The following GRM1 variants were observed in gnomAD, a reference collection of about 807,000 sequenced individuals.
The protein encoded by GRM1 is metabotropic glutamate receptor 1.
In GRM1, 33 loss-of-function variants were observed where a neutral mutation model predicts 90.9. The observed-to-expected ratio is 0.36, with a 90% CI of 0.28 to 0.49. The LOEUF (loss-of-function observed/expected upper bound fraction) is 0.49. GRM1 is among the 20% of genes least tolerant of loss of function. The pLI is 0.99. For missense variants in GRM1, 1,190 were observed against 1,534.3 expected, an observed-to-expected ratio of 0.78 and a Z score of 3.75; for synonymous variants, 700 against 613.2, an observed-to-expected ratio of 1.14 and a Z score of -2.09.
intron 1 of GRM1, among the ~76,000 whole-genome samples, chr6:146,136,594 G>C (rs527386473): frequency 6.6e-6 from 1 of 152,006 alleles, no homozygotes; most frequent in Non-Finnish European, 1.5e-5. Flanking sequence ...TGTCTATTCC[G>C]ATCTTTTGCT....
chr6:146,254,177 A>G (rs950458091), intron 2 of GRM1, among the ~76,000 whole-genome samples: 7 of 152,174 alleles, frequency 4.6e-5, no homozygotes. Flanking sequence ...AGAATCACAG[A>G]AACAGTCTCA....
intron 2 of GRM1, among the ~76,000 whole-genome samples, chr6:146,217,345 C>G (rs559805944): frequency 6.6e-6 from 1 of 152,126 alleles, no homozygotes; most frequent in African/African-American, 2.4e-5. Context: ...AGAGCAATAC[C>G]TTGAGTTGGT....
At chr6:146,418,288 C>A (rs9403785) in intron 7 of GRM1, among the ~76,000 whole-genome samples, 92,275 of 151,490 alleles carry the variant, frequency 0.61, 30,342 homozygotes, top group African/African-American at 0.88. Flanking sequence ...TATCTTAGTT[C>A]CTGGGGTAAA....
At chr6:146,175,122 A>G (rs933010421) in intron 2 of GRM1, among the ~76,000 whole-genome samples, 1 of 152,198 alleles carries the variant, frequency 6.6e-6, no homozygotes, top group Non-Finnish European at 1.5e-5. Context: ...ATTCAAGGGG[A>G]GGGGAATGCA....
chr6:146,309,268 G>A (rs1382753986), intron 3 of GRM1, among the ~76,000 whole-genome samples: 18 of 151,948 alleles, frequency 1.2e-4, no homozygotes, highest in East Asian at 7.8e-4. Context: ...GCTTGGTGGC[G>A]GGTGCCTATA....
intron 2 of GRM1, among the ~76,000 whole-genome samples, chr6:146,277,503 A>G (rs1782417574): frequency 6.6e-6 from 1 of 152,210 alleles, no homozygotes; most frequent in Non-Finnish European, 1.5e-5. Flanking sequence ...CTGACTCCCA[A>G]TTAAAAACCC....
At chr6:146,212,450 G>C (rs1248487832) in intron 2 of GRM1, among the ~76,000 whole-genome samples, 1 of 152,124 alleles carries the variant, frequency 6.6e-6, no homozygotes, top group Non-Finnish European at 1.5e-5. Context: ...GGTGACGCGG[G>C]TTGGGTTTTC....
chr6:146,394,419 A>T (rs1776852557), intron 6 of GRM1, among the ~76,000 whole-genome samples: 1 of 152,168 alleles, frequency 6.6e-6, no homozygotes, highest in African/African-American at 2.4e-5. Flanking sequence ...AAAGGAGAGT[A>T]TGATATATAC....
At position 146,121,343 on chromosome 6, in the gene GRM1, T is replaced by C. The variant is rs1292268357; in HGVS notation, c.701-38005T>C. 4.6e-5 allele frequency among the ~76,000 whole-genome samples: 7 copies of C among 152,340 alleles called. No individual in the cohort carries two copies. In the East Asian group the frequency reaches 9.6e-4, roughly 21 times the overall value. On this transcript the variant is annotated intron_variant, in intron 1 of 7. Transcript: ENST00000282753. The stretch of plus-strand genomic sequence containing the variant: ...TCTTCTCTCTTTTTTTCTTTATTAA[T>C]CTTGCTAGCAGTCTATCAATTTTGT...
At chr6:146,296,609 A>G (rs1210304339) in intron 2 of GRM1, among the ~76,000 whole-genome samples, 4 of 152,134 alleles carry the variant, frequency 2.6e-5, no homozygotes, top group Non-Finnish European at 4.4e-5. Flanking sequence ...TCAGAATTCC[A>G]TTGATTTTAA....
intron 7 of GRM1, among the ~76,000 whole-genome samples, chr6:146,418,011 A>G (rs1777848700): frequency 6.6e-6 from 1 of 152,124 alleles, no homozygotes; most frequent in Non-Finnish European, 1.5e-5. Context: ...AGATGCCTAT[A>G]TGTGAGAACA....
intron 2 of GRM1, among the ~76,000 whole-genome samples, chr6:146,241,495 T>C (rs148481716): frequency 1.3e-5 from 2 of 152,150 alleles, no homozygotes; most frequent in African/African-American, 4.8e-5. Context: ...ATACATGTAT[T>C]TATTTTTGTA....
rs1396711891 is a variant in GRM1 at position 146,434,714 on chromosome 6, AGTC to A, written c.3505_3507del (p.Ser1169del). ...TCGGTGCCCAGCTCCCCCGTGTCCG[AGTC>A]GGTGCTCTGCACCCCTCCCAACGTA... On this transcript the variant is annotated inframe_deletion, in exon 8 of 8. Transcript: ENST00000282753. 2 of 1,602,324 alleles carry A rather than the reference AGTC, an allele frequency of 1.2e-6. No homozygotes were observed. Among genetic ancestry groups the A allele is most frequent in the Non-Finnish European group, 1.7e-6 (2 of 1,179,932 alleles).
At chr6:146,129,447 A>G (rs937025295) in intron 1 of GRM1, among the ~76,000 whole-genome samples, 1 of 152,174 alleles carries the variant, frequency 6.6e-6, no homozygotes, top group South Asian at 2.1e-4. Context: ...ACACAATACC[A>G]CATTCTTGTC....
rs571623499 is a variant in GRM1, at chr6:146,214,052, T to C, written c.950+54455T>C. ...AAGAGAGAGTCCAATTCACCCTTTT[T>C]TCTAATTTTTTTGCTCTATCCTGGG... On this transcript the variant is annotated intron_variant, in intron 2 of 7. Transcript: ENST00000282753. Among the ~76,000 whole-genome samples the C allele has an allele frequency of 5.3e-5, 8 of 152,298 alleles. No individual in the cohort carries two copies. In the East Asian group the frequency reaches 1.4e-3, roughly 26 times the overall value.
intron 1 of GRM1, among the ~76,000 whole-genome samples, chr6:146,097,849 T>G (rs1256732203): frequency 6.6e-6 from 1 of 152,240 alleles, no homozygotes; most frequent in Admixed American, 6.5e-5. Context: ...AATTAAATAT[T>G]CCTACAGCAT....
At chr6:146,230,707 T>C (rs554731003) in intron 2 of GRM1, among the ~76,000 whole-genome samples, 19 of 152,294 alleles carry the variant, frequency 1.2e-4, no homozygotes, top group African/African-American at 4.1e-4. Context: ...CAGAAAAACC[T>C]GCATATGGAA....
rs1426040404 is a variant in GRM1 at position 146,109,795 on chromosome 6, G to T, written c.701-49553G>T. The stretch of plus-strand genomic sequence containing the variant: ...CAGGGGTGGAGCTGCCCAAGACCAT[G>T]GGAACCCCTGTCATGCATCAGCGTG... On this transcript the variant is annotated intron_variant, in intron 1 of 7. Transcript: ENST00000282753. 4.6e-5 allele frequency among the ~76,000 whole-genome samples: 7 copies of T among 152,316 alleles called. No homozygotes were observed. The East Asian group carries it at 1.4e-3, about 29-fold the overall frequency.
At chr6:146,089,409 C>T (rs1776645624) in intron 1 of GRM1, among the ~76,000 whole-genome samples, 1 of 152,062 alleles carries the variant, frequency 6.6e-6, no homozygotes, top group Admixed American at 6.6e-5. Flanking sequence ...TTATAAGGCC[C>T]TAAGCAGAGG....
Sources: gnomAD v4.1 joint callset for allele counts (sites outside exome capture counted in the v4.1 genomes callset) on GRCh38, gnomAD v4.1.1 for gene constraint, MANE v1.5 for transcripts, NCBI Gene and HGNC (gene_info 2026-07-23, HGNC 2026-07-21) for gene names.